PPP6R2: variants seen among roughly 807,000 people sequenced by gnomAD.
PPP6R2 encodes serine/threonine-protein phosphatase 6 regulatory subunit 2.
In PPP6R2, 62 loss-of-function variants were observed where a neutral mutation model predicts 100.2. The ratio of observed to expected loss-of-function variants is 0.62; its 90% CI spans 0.50 to 0.76. The LOEUF (loss-of-function observed/expected upper bound fraction) is 0.76, where lower values mean the gene tolerates loss of function less well. Ranked by LOEUF, PPP6R2 falls within the 30% of genes least tolerant of loss-of-function variation. The pLI is 0.00. For synonymous variants in PPP6R2, 525 were observed against 514.7 expected (o/e 1.02, Z -0.27); for missense variants, 1,142 against 1,276.3 (o/e 0.89, Z 1.60).
rs544604960 is a variant in PPP6R2 at position 50,424,903 on chromosome 22, G to T, written c.1125+1289G>T. The stretch of plus-strand genomic sequence containing the variant: ...GATCCACCCGCCTTGGCCTCCCAAA[G>T]TGCTGGGATTACAGGCTTGAGCCAC... On this transcript the variant is annotated intron_variant, in intron 10 of 23. Coordinates refer to ENST00000612753, the MANE Select transcript of PPP6R2 (RefSeq NM_001242898.2). 5.3e-5 allele frequency among the ~76,000 whole-genome samples: 8 copies of T among 152,244 alleles called. No homozygotes were observed. The South Asian group carries it at 6.2e-4, about 12-fold the overall frequency.
intron 22 of PPP6R2, among the ~76,000 whole-genome samples, chr22:50,441,996 C>T (rs1603424645): frequency 6.6e-6 from 1 of 152,290 alleles, no homozygotes; most frequent in East Asian, 1.9e-4. Context: ...GTCCAGGCAA[C>T]AGTGGGGAAG....
chr22:50,417,130 A>C (rs1460931057), intron 6 of PPP6R2, among the ~76,000 whole-genome samples: 1 of 152,128 alleles, frequency 6.6e-6, no homozygotes, highest in East Asian at 1.9e-4. Context: ...TGAGTCTCAC[A>C]AAATACAGTC....
At chr22:50,409,773 C>T (rs2059484301) in intron 4 of PPP6R2, among the ~76,000 whole-genome samples, 1 of 152,184 alleles carries the variant, frequency 6.6e-6, no homozygotes, top group African/African-American at 2.4e-5. Flanking sequence ...GTTGCCAAGG[C>T]TGGAGTGCAG....
chr22:50,444,144 G>C, intron 23 of PPP6R2, 27 bp downstream of exon 23: 2 of 1,611,990 alleles, frequency 1.2e-6, no homozygotes, highest in Non-Finnish European at 8.5e-7. Context: ...TGGGGGTAGG[G>C]GGTGTGGACA....
At chr22:50,395,356 A>G (rs2056560974) in intron 3 of PPP6R2, among the ~76,000 whole-genome samples, 1 of 152,104 alleles carries the variant, frequency 6.6e-6, no homozygotes, top group South Asian at 2.1e-4. Context: ...AGGGTGAGCA[A>G]GGATGGGGCT....
intron 1 of PPP6R2, among the ~76,000 whole-genome samples, chr22:50,367,228 G>C (rs1239851718): frequency 6.6e-6 from 1 of 152,076 alleles, no homozygotes; most frequent in Non-Finnish European, 1.5e-5. Context: ...GGAGGGCAGA[G>C]GTGGCTTTCT....
chr22:50,400,687 G>T (rs1414017852), intron 3 of PPP6R2, among the ~76,000 whole-genome samples: 1 of 152,166 alleles, frequency 6.6e-6, no homozygotes, highest in African/African-American at 2.4e-5. Context: ...TTAGTAATAG[G>T]TAAGTACAAA....
Position 50,440,635 on chromosome 22 carries a change from T to G in PPP6R2, c.2375-187T>G, listed in dbSNP as rs1179628026. ...TCATGGGGGAGGCAACAGGGTTGTT[T>G]GTGTGGAGACCCCATGGCAGGTGCG... On this transcript the variant is annotated intron_variant, in intron 21 of 23. Transcript: ENST00000612753. Among the ~76,000 whole-genome samples, 3 of 152,192 alleles carry G rather than the reference T, an allele frequency of 2.0e-5. No homozygotes were observed. The South Asian group carries it at 6.2e-4, about 32-fold the overall frequency.
chr22:50,339,899 G>GTA (rs2042352403), upstream of PPP6R2, among the ~76,000 whole-genome samples: 1 of 99,612 alleles, frequency 1.0e-5, no homozygotes, highest in Non-Finnish European at 2.0e-5. Context: ...GGGGTGTGTG[G>GTA]TGTGTGTGGT....
chr22:50,438,771 G>A lies in PPP6R2; in HGVS notation c.2128+9G>A. On this transcript the variant is annotated intron_variant, in intron 19 of 23. Coordinates refer to ENST00000612753, the MANE Select transcript of PPP6R2 (RefSeq NM_001242898.2). ...GGAGGGTGACTCAGAAGGTGGTGCT[G>A]GGCGCCAGGGGCTGGGAGTGTGGGT... The A allele has an allele frequency of 6.3e-7, 1 of 1,582,610 alleles. No homozygotes were observed.
chr22:50,374,240 C>T (rs1056105386), intron 2 of PPP6R2, among the ~76,000 whole-genome samples: 16 of 152,200 alleles, frequency 1.1e-4, no homozygotes, highest in Middle Eastern at 3.4e-3. Flanking sequence ...CCCAGCTGGG[C>T]GGATGGATGG....
At chr22:50,383,875 A>G (rs1040515883) in intron 2 of PPP6R2, among the ~76,000 whole-genome samples, 4 of 151,958 alleles carry the variant, frequency 2.6e-5, no homozygotes, top group African/African-American at 9.7e-5. Flanking sequence ...TGTTTCTACT[A>G]AAATACAAAA....
intron 10 of PPP6R2, among the ~76,000 whole-genome samples, chr22:50,424,341 T>C (rs61691900): frequency 0.35 from 49,704 of 141,514 alleles, 9,718 homozygotes; most frequent in East Asian, 0.65. Flanking sequence ...GTGGAAGGTC[T>C]GTCCGCGTGT....
chr22:50,398,705 C>T (rs1465958423), intron 3 of PPP6R2, among the ~76,000 whole-genome samples: 11 of 149,938 alleles, frequency 7.3e-5, no homozygotes, highest in African/African-American at 2.7e-4. Flanking sequence ...TTAGAAGAGA[C>T]GGGGTTACCA....
chr22:50,405,795 G>A (rs1412798160), intron 3 of PPP6R2, among the ~76,000 whole-genome samples: 25 of 104,680 alleles, frequency 2.4e-4, no homozygotes, highest in African/African-American at 5.7e-4. Context: ...GGAGAGAGGT[G>A]AGAGGCCTGG....
intron 4 of PPP6R2, among the ~76,000 whole-genome samples, chr22:50,411,817 G>A (rs1244459016): frequency 1.3e-5 from 2 of 151,956 alleles, no homozygotes; most frequent in Non-Finnish European, 2.9e-5. Flanking sequence ...AGGCCGAGGC[G>A]GGCGGATCAC....
At chr22:50,398,151 AGC>A (rs1658869659) in intron 3 of PPP6R2, among the ~76,000 whole-genome samples, 1 of 149,548 alleles carries the variant, frequency 6.7e-6, no homozygotes, top group South Asian at 2.1e-4. Flanking sequence ...TGGGCAATAT[AGC>A]GAGACTCCAT....
At chr22:50,409,572 C>T (rs944775983) in intron 4 of PPP6R2, among the ~76,000 whole-genome samples, 7 of 152,092 alleles carry the variant, frequency 4.6e-5, no homozygotes, top group South Asian at 2.1e-4. Context: ...GGTCTGCAGG[C>T]GTGCACCCCC....
chr22:50,436,550 C>T, intron 14 of PPP6R2, 98 bp downstream of exon 14: 1 of 1,209,286 alleles, frequency 8.3e-7, no homozygotes, highest in South Asian at 1.3e-5. Context: ...AAGGGAGGCA[C>T]AAGGGCCGCA....
Sources: allele counts gnomAD v4.1 joint callset (sites outside exome capture counted in the v4.1 genomes callset), GRCh38; gene constraint gnomAD v4.1.1; transcripts MANE v1.5; gene names NCBI Gene and HGNC (gene_info 2026-07-23, HGNC 2026-07-21).